COL21A1: variants seen among roughly 807,000 people sequenced by gnomAD.
COL21A1 encodes collagen type XXI alpha 1 chain.
A neutral mutation model predicts 137.9 loss-of-function variants in COL21A1; 149 were observed. The observed-to-expected ratio is 1.08, with a 90% CI of 0.95 to 1.24. COL21A1 has a LOEUF of 1.24. Ranked by LOEUF, COL21A1 falls within the 50% of genes most tolerant of loss-of-function variation. The pLI, the probability that COL21A1 is intolerant of heterozygous loss-of-function variation, is 0.00. For synonymous variants in COL21A1, 456 were observed against 391.5 expected (o/e 1.16, Z -1.95); for missense variants, 1,167 against 1,158.4 (o/e 1.01, Z -0.11).
At chr6:56,236,787 G>T (rs1352873068) in intron 1 of COL21A1, among the ~76,000 whole-genome samples, 1 of 151,856 alleles carries the variant, frequency 6.6e-6, no homozygotes, top group Non-Finnish European at 1.5e-5. Flanking sequence ...GTACCTAATG[G>T]CCACTGAAAT....
intron 17 of COL21A1, among the ~76,000 whole-genome samples, chr6:56,097,525 G>A (rs138258090): frequency 4.0e-5 from 6 of 150,904 alleles, no homozygotes; most frequent in Admixed American, 1.3e-4. Context: ...ATATTGGGAG[G>A]AAAGAAAAAA....
chr6:56,385,751 A>G (rs2094016852), intron 1 of COL21A1, among the ~76,000 whole-genome samples: 1 of 149,822 alleles, frequency 6.7e-6, no homozygotes, highest in Admixed American at 6.6e-5. Flanking sequence ...GACAACCCTC[A>G]ATCTGCTTTC....
chr6:56,360,473 T>C (rs1432547974), intron 1 of COL21A1, among the ~76,000 whole-genome samples: 1 of 152,108 alleles, frequency 6.6e-6, no homozygotes, highest in Admixed American at 6.6e-5. Flanking sequence ...AGAGTGATGA[T>C]GTGGTGGCAA....
intron 1 of COL21A1, among the ~76,000 whole-genome samples, chr6:56,224,546 C>T (rs1401203828): frequency 1.3e-5 from 2 of 152,042 alleles, no homozygotes; most frequent in Non-Finnish European, 2.9e-5. Flanking sequence ...ATAAGTGATG[C>T]TACTGAATAA....
chr6:56,138,394 T>A (rs1329270763), intron 12 of COL21A1, among the ~76,000 whole-genome samples: 2 of 151,616 alleles, frequency 1.3e-5, no homozygotes, highest in African/African-American at 4.8e-5. Flanking sequence ...AATCTCTTAA[T>A]GAGGAAGGGG....
chr6:56,274,299 A>G (rs868503770), intron 1 of COL21A1, among the ~76,000 whole-genome samples: 18 of 152,214 alleles, frequency 1.2e-4, no homozygotes, highest in African/African-American at 4.1e-4. Flanking sequence ...CCCCTTGAGA[A>G]GTAGAACAAG....
chr6:56,074,381 A>C (rs1352515490), intron 19 of COL21A1, 96 bp from the exon 20 acceptor site: 1 of 763,470 alleles, frequency 1.3e-6, no homozygotes, highest in Non-Finnish European at 2.1e-6. Context: ...TAATTAATTC[A>C]CTAAATTATA....
chr6:56,273,958 G>A (rs9475647), intron 1 of COL21A1, among the ~76,000 whole-genome samples: 60,191 of 151,916 alleles, frequency 0.4, 13,438 homozygotes, highest in African/African-American at 0.59. Flanking sequence ...TAACCTTGGC[G>A]AACATACATG....
At chr6:56,164,659 C>G (rs1277127371) in intron 8 of COL21A1, among the ~76,000 whole-genome samples, 153 bp from the exon 9 acceptor site, 1 of 152,070 alleles carries the variant, frequency 6.6e-6, no homozygotes, top group East Asian at 1.9e-4. Flanking sequence ...ATAGGAAATT[C>G]CAAATCACAA....
intron 1 of COL21A1, among the ~76,000 whole-genome samples, chr6:56,218,275 G>T (rs932283428): frequency 1.3e-4 from 20 of 148,812 alleles, no homozygotes; most frequent in African/African-American, 5.0e-4. Flanking sequence ...TTATTTCCTA[G>T]CATAAAAGTA....
intron 16 of COL21A1, among the ~76,000 whole-genome samples, chr6:56,110,228 T>C (rs1771299804): frequency 1.4e-5 from 2 of 146,066 alleles, no homozygotes. Flanking sequence ...GAAAATTATA[T>C]AATCAAGTCA....
At chr6:56,288,887 T>C (rs1763974928) in intron 1 of COL21A1, among the ~76,000 whole-genome samples, 1 of 152,222 alleles carries the variant, frequency 6.6e-6, no homozygotes, top group Non-Finnish European at 1.5e-5. Flanking sequence ...TATATCACAG[T>C]GTCTGTGCCC....
At chr6:56,170,930 A>C (rs1776992008) in intron 4 of COL21A1, 30 bp downstream of exon 4, 2 of 1,590,162 alleles carry the variant, frequency 1.3e-6, no homozygotes, top group Non-Finnish European at 1.7e-6. Context: ...ATATCCCCCC[A>C]AAAAAGTTGT....
At chr6:56,185,611 AT>A (rs1480695985) in intron 1 of COL21A1, among the ~76,000 whole-genome samples, 1 of 150,888 alleles carries the variant, frequency 6.6e-6, no homozygotes, top group African/African-American at 2.4e-5. Flanking sequence ...AATTTTTTGT[AT>A]TTTTAGTAGA....
chr6:56,322,776 T>C (rs1764900906), intron 1 of COL21A1, among the ~76,000 whole-genome samples: 1 of 152,000 alleles, frequency 6.6e-6, no homozygotes, highest in African/African-American at 2.4e-5. Context: ...GTTTAATCCT[T>C]TATTTGTGTT....
At chr6:56,109,876 C>T (rs1369341622) in intron 16 of COL21A1, among the ~76,000 whole-genome samples, 2 of 151,930 alleles carry the variant, frequency 1.3e-5, no homozygotes, top group Non-Finnish European at 2.9e-5. Context: ...GTTCCTTAGA[C>T]ACACAACACA....
intron 16 of COL21A1, among the ~76,000 whole-genome samples, chr6:56,105,461 G>T (rs1770807501): frequency 6.6e-6 from 1 of 152,030 alleles, no homozygotes; most frequent in Non-Finnish European, 1.5e-5. Context: ...GCTATAGTTT[G>T]TCATTATAAT....
chr6:56,171,719 T>C (rs1409795357), intron 3 of COL21A1, among the ~76,000 whole-genome samples: 3 of 151,966 alleles, frequency 2.0e-5, no homozygotes, highest in African/African-American at 7.2e-5. Flanking sequence ...TCCCATCTAT[T>C]CATGAAAGTT....
intron 9 of COL21A1, among the ~76,000 whole-genome samples, chr6:56,162,765 T>C (rs1776285422): frequency 6.6e-6 from 1 of 152,226 alleles, no homozygotes; most frequent in Non-Finnish European, 1.5e-5. Flanking sequence ...TATGAACATA[T>C]ATATTTTTAA....
Sources: gnomAD v4.1 joint callset for allele counts (sites outside exome capture counted in the v4.1 genomes callset) on GRCh38, gnomAD v4.1.1 for gene constraint, MANE v1.5 for transcripts, NCBI Gene and HGNC (gene_info 2026-07-23, HGNC 2026-07-21) for gene names.